TMEFF2: variants seen among roughly 807,000 people sequenced by gnomAD.
TMEFF2 encodes transmembrane protein with EGF like and two follistatin like domains 2.
TMEFF2 carries 28 observed loss-of-function variants against 53.8 expected under a neutral mutation model. That is an observed-to-expected ratio of 0.52 (90% CI 0.39 to 0.71). The LOEUF (loss-of-function observed/expected upper bound fraction) is 0.71. Ranked by LOEUF, TMEFF2 falls within the 30% of genes least tolerant of loss-of-function variation. TMEFF2 has a pLI of 0.00. For synonymous variants in TMEFF2, 162 were observed against 166.3 expected (o/e 0.97, Z 0.20); for missense variants, 353 against 455.2 (o/e 0.78, Z 2.04).
At chr2:192,164,978 C>CTGTGTGTGTGTGTG (rs71033662) in intron 4 of TMEFF2, among the ~76,000 whole-genome samples, 25,573 of 144,904 alleles carry the variant, frequency 0.18, 2,565 homozygotes, top group East Asian at 0.42. Flanking sequence ...TGAATAAAAA[C>CTGTGTGTGTGTGTG]TGTGTGTGTG....
At position 192,191,938 on chromosome 2, in the gene TMEFF2, T is replaced by G; in HGVS notation, c.224A>C (p.Lys75Thr). ...DLFLCDTNTC[K>T]FDGECLRIGD... The stretch of plus-strand genomic sequence containing the variant: ...AATTCTTAAACATTCCCCATCAAAT[T>G]TACAGGTGTTGGTGTCACAGAGGAA... Residue 75 changes from lysine (K) to threonine (T), a missense_variant, in exon 2 of 10, where the codon AAA (lysine) becomes ACA (threonine). Around this residue, in one of 3 missense-constraint regions of TMEFF2, gnomAD observed 294 missense variants for 397.3 expected, o/e 0.74. Coordinates refer to ENST00000272771, the MANE Select transcript of TMEFF2 (RefSeq NM_016192.4). 6.2e-7 allele frequency: 1 copy of G among 1,613,656 alleles called. No individual in the cohort carries two copies. The highest frequency in any genetic ancestry group is 2.2e-5 in the East Asian group (1 of 44,822).
At chr2:192,187,333 A>G (rs1691339293) in intron 2 of TMEFF2, among the ~76,000 whole-genome samples, 1 of 152,186 alleles carries the variant, frequency 6.6e-6, no homozygotes, top group African/African-American at 2.4e-5. Context: ...TGTAATACTC[A>G]CTTATACAAA....
At chr2:192,060,014 G>C (rs1224165245) in intron 4 of TMEFF2, among the ~76,000 whole-genome samples, 2 of 150,438 alleles carry the variant, frequency 1.3e-5, no homozygotes, top group African/African-American at 2.4e-5. Flanking sequence ...TCTTAAATAG[G>C]GTCTGATTCA....
intron 4 of TMEFF2, among the ~76,000 whole-genome samples, chr2:192,153,528 G>A (rs1004350153): frequency 6.6e-6 from 1 of 151,790 alleles, no homozygotes; most frequent in Admixed American, 6.6e-5. Context: ...TTGTGATAGA[G>A]CAACAACTAT....
Position 191,949,189 on chromosome 2 carries a change from T to C in TMEFF2, c.*1122A>G. The C allele has an allele frequency of 1.0e-6, 1 of 985,404 alleles. No homozygotes were observed. The highest frequency in any genetic ancestry group is 1.7e-5 in the African/African-American group (1 of 57,362). 61.0% of individuals were successfully genotyped at this position (985,404 alleles called of 1,614,324 possible). ...TTATTTTTTCCAGATCAAGTTGTGA[T>C]ACCTATTTGTATGCACAAATCAAAC... On this transcript the variant is annotated 3_prime_UTR_variant, in exon 10 of 10. Transcript: ENST00000272771.
At chr2:192,101,895 T>A (rs145895904) in intron 4 of TMEFF2, among the ~76,000 whole-genome samples, 2 of 152,194 alleles carry the variant, frequency 1.3e-5, no homozygotes, top group Non-Finnish European at 2.9e-5. Context: ...TGACGATACA[T>A]GCTCTGGAAT....
intron 4 of TMEFF2, among the ~76,000 whole-genome samples, chr2:192,059,966 C>T (rs1688004103): frequency 6.6e-6 from 1 of 151,832 alleles, no homozygotes; most frequent in South Asian, 2.1e-4. Flanking sequence ...ATGACTTAAT[C>T]GGTGCACAAC....
At chr2:192,006,950 T>C (rs78058987) in intron 5 of TMEFF2, among the ~76,000 whole-genome samples, 8,746 of 152,252 alleles carry the variant, frequency 0.057, 309 homozygotes, top group African/African-American at 0.097. Flanking sequence ...CCAGATTTAC[T>C]GTATATAAGA....
At chr2:192,084,480 A>G (rs762940641) in intron 4 of TMEFF2, among the ~76,000 whole-genome samples, 1 of 152,136 alleles carries the variant, frequency 6.6e-6, no homozygotes, top group African/African-American at 2.4e-5. Flanking sequence ...TATTCTCTAT[A>G]TTTTTTAAAA....
chr2:192,082,312 C>T (rs1688572904), intron 4 of TMEFF2, among the ~76,000 whole-genome samples: 1 of 152,138 alleles, frequency 6.6e-6, no homozygotes, highest in South Asian at 2.1e-4. Context: ...TGCTCTTTCC[C>T]GCTAAGACCA....
intron 4 of TMEFF2, among the ~76,000 whole-genome samples, chr2:192,137,703 G>A (rs182175112): frequency 6.6e-6 from 1 of 151,452 alleles, no homozygotes; most frequent in Non-Finnish European, 1.5e-5. Context: ...TCAGATATCT[G>A]CATACCTATA....
intron 4 of TMEFF2, among the ~76,000 whole-genome samples, chr2:192,163,695 G>C (rs770987610): frequency 5.3e-5 from 8 of 152,160 alleles, no homozygotes; most frequent in South Asian, 4.1e-4. Flanking sequence ...GAATATAGTA[G>C]GCTCAATGCA....
At chr2:191,966,287 G>C (rs762729011) in intron 7 of TMEFF2, among the ~76,000 whole-genome samples, 7 of 152,168 alleles carry the variant, frequency 4.6e-5, no homozygotes, top group Non-Finnish European at 8.8e-5. Context: ...AGCCAGAGAA[G>C]GGGATGTGGT....
intron 5 of TMEFF2, among the ~76,000 whole-genome samples, chr2:192,052,559 G>C (rs1295296741): frequency 6.6e-6 from 1 of 152,032 alleles, no homozygotes; most frequent in African/African-American, 2.4e-5. Context: ...ATCATAAGTT[G>C]GTATTCCCAA....
intron 2 of TMEFF2, among the ~76,000 whole-genome samples, chr2:192,186,957 A>T (rs566274615): frequency 6.6e-6 from 1 of 152,316 alleles, no homozygotes; most frequent in African/African-American, 2.4e-5. Flanking sequence ...CAGTAAGCCA[A>T]ATTCGAACAG....
chr2:191,992,822 G>A (rs1686139500), intron 7 of TMEFF2: 1 of 151,994 alleles, frequency 6.6e-6, no homozygotes, highest in Non-Finnish European at 1.5e-5. Context: ...ATATAGATTT[G>A]AGTAACTCTT....
At chr2:192,032,300 T>C (rs1385224350) in intron 5 of TMEFF2, 2 of 152,220 alleles carry the variant, frequency 1.3e-5, no homozygotes, top group African/African-American at 4.8e-5. Context: ...GTGATGGTTT[T>C]CCTTCTTCTA....
At chr2:192,175,909 T>C (rs947734844) in intron 4 of TMEFF2, among the ~76,000 whole-genome samples, 1 of 151,318 alleles carries the variant, frequency 6.6e-6, no homozygotes, top group Non-Finnish European at 1.5e-5. Context: ...AAAAAAACAG[T>C]AATGGAGATA....
intron 4 of TMEFF2, among the ~76,000 whole-genome samples, chr2:192,078,939 T>C (rs1457305691): frequency 1.3e-5 from 2 of 152,196 alleles, no homozygotes; most frequent in Non-Finnish European, 2.9e-5. Context: ...ATGCATATTG[T>C]GCCAACAGCT....
Sources: allele counts gnomAD v4.1 joint callset (sites outside exome capture counted in the v4.1 genomes callset), GRCh38; gene constraint gnomAD v4.1.1; regional missense constraint gnomAD v4.1.1; transcripts MANE v1.5; gene names NCBI Gene and HGNC (gene_info 2026-07-23, HGNC 2026-07-21).